Variants in IL1RAPL1 observed in about 807,000 individuals in gnomAD.
IL1RAPL1 encodes interleukin 1 receptor accessory protein like 1.
A neutral mutation model predicts 48.4 loss-of-function variants in IL1RAPL1; 3 were observed. The observed-to-expected ratio is 0.06, with a 90% CI of 0.03 to 0.16. The LOEUF is 0.16. Among genes scored for constraint, IL1RAPL1 ranks in the 10% least tolerant of loss-of-function variants. The pLI is 1.00. For synonymous variants in IL1RAPL1, 185 were observed against 187.7 expected (o/e 0.99, Z 0.12); for missense variants, 349 against 530.6 (o/e 0.66, Z 3.36).
At chrX:29,657,835 T>C (rs1487800540) in intron 5 of IL1RAPL1, among the ~76,000 whole-genome samples, 1 of 107,668 alleles carries the variant, frequency 9.3e-6, no homozygotes, top group African/African-American at 3.4e-5. Flanking sequence ...TTTTTTTTTT[T>C]TTTTTTTGGT....
chrX:29,234,631 A>G (rs775331773), intron 2 of IL1RAPL1, among the ~76,000 whole-genome samples: 31 of 112,074 alleles, frequency 2.8e-4, no homozygotes, highest in Admixed American at 1.1e-3. Flanking sequence ...CCTTGCCTAC[A>G]GAGACATCCT....
At chrX:28,633,889 A>T (rs1403261260) in intron 1 of IL1RAPL1, among the ~76,000 whole-genome samples, 1 of 111,770 alleles carries the variant, frequency 8.9e-6, no homozygotes, top group Non-Finnish European at 1.9e-5. Flanking sequence ...TATTTATGGG[A>T]TGCAATGTTA....
chrX:28,858,707 G>A (rs893731697), intron 2 of IL1RAPL1, among the ~76,000 whole-genome samples: 15 of 112,425 alleles, frequency 1.3e-4, no homozygotes, highest in Admixed American at 8.5e-4. Context: ...AAAAATTTGC[G>A]CAACTCGCGT....
chrX:28,872,805 A>C (rs1922239800), intron 2 of IL1RAPL1, among the ~76,000 whole-genome samples: 1 of 112,451 alleles, frequency 8.9e-6, no homozygotes, highest in Admixed American at 9.4e-5. Context: ...ATTTTGTAGT[A>C]GAGACTTTGG....
intron 2 of IL1RAPL1, among the ~76,000 whole-genome samples, chrX:29,006,780 G>A (rs1275849611): frequency 9.4e-6 from 1 of 106,463 alleles, no homozygotes; most frequent in Non-Finnish European, 1.9e-5. Context: ...CTTCTAACTG[G>A]CTTTGAAAAT....
At chrX:29,377,528 A>G (rs1933639369) in intron 3 of IL1RAPL1, among the ~76,000 whole-genome samples, 1 of 112,075 alleles carries the variant, frequency 8.9e-6, no homozygotes, top group African/African-American at 3.2e-5. Context: ...GCATTCCCTT[A>G]AGGACCTCTT....
chrX:29,788,758 C>A (rs1176859544), intron 6 of IL1RAPL1, among the ~76,000 whole-genome samples: 1 of 111,804 alleles, frequency 8.9e-6, no homozygotes, highest in Admixed American at 9.5e-5. Context: ...TACTATATAG[C>A]TATAAATTTG....
chrX:29,583,814 A>G (rs1405131798), intron 5 of IL1RAPL1, among the ~76,000 whole-genome samples: 1 of 110,978 alleles, frequency 9.0e-6, no homozygotes, highest in Non-Finnish European at 1.9e-5. Context: ...CCTGACTTCA[A>G]AGATAGCATC....
intron 1 of IL1RAPL1, among the ~76,000 whole-genome samples, chrX:28,614,563 C>G (rs1244391223): frequency 5.4e-5 from 6 of 111,095 alleles, no homozygotes; most frequent in Admixed American, 9.6e-5. Flanking sequence ...ATGTTCAGTG[C>G]AAGTGTGTTC....
chrX:29,693,468 A>T (rs1309523902), intron 6 of IL1RAPL1, among the ~76,000 whole-genome samples: 2 of 111,193 alleles, frequency 1.8e-5, no homozygotes, highest in Non-Finnish European at 3.8e-5. Context: ...AGGGAAAAAA[A>T]CTCTACTTCT....
At chrX:28,740,462 A>G (rs994429432) in intron 1 of IL1RAPL1, among the ~76,000 whole-genome samples, 3 of 111,115 alleles carry the variant, frequency 2.7e-5, no homozygotes, top group African/African-American at 9.8e-5. Context: ...CCTTGAAGCA[A>G]TTTTCTTTTT....
intron 2 of IL1RAPL1, among the ~76,000 whole-genome samples, chrX:28,974,164 C>G (rs1262560509): frequency 8.9e-6 from 1 of 111,766 alleles, no homozygotes; most frequent in African/African-American, 3.3e-5. Context: ...GATGTGACTC[C>G]TGGCTTCCCC....
At chrX:29,553,558 C>A (rs1469155750) in intron 5 of IL1RAPL1, among the ~76,000 whole-genome samples, 1 of 111,785 alleles carries the variant, frequency 8.9e-6, no homozygotes, top group Admixed American at 9.5e-5. Context: ...TAGCTTTTTG[C>A]TTCCCCTCTT....
intron 6 of IL1RAPL1, among the ~76,000 whole-genome samples, chrX:29,672,038 C>T (rs193071720): frequency 2.9e-3 from 329 of 111,755 alleles, no homozygotes; most frequent in Non-Finnish European, 3.6e-3. Context: ...ACATTATAAA[C>T]GCATTCTGCT....
At chrX:29,775,862 T>G (rs1400590709) in intron 6 of IL1RAPL1, among the ~76,000 whole-genome samples, 1 of 111,430 alleles carries the variant, frequency 9.0e-6, no homozygotes, top group Non-Finnish European at 1.9e-5. Flanking sequence ...CTTATTAGTG[T>G]GATAAAATCA....
intron 2 of IL1RAPL1, among the ~76,000 whole-genome samples, chrX:29,237,063 G>A (rs142440732): frequency 9.0e-6 from 1 of 110,916 alleles, no homozygotes; most frequent in East Asian, 2.8e-4. Flanking sequence ...ACAAATTCAT[G>A]CTCACAGCCC....
At chrX:29,932,955 T>G (rs1015065289) in intron 8 of IL1RAPL1, among the ~76,000 whole-genome samples, 2 of 111,792 alleles carry the variant, frequency 1.8e-5, no homozygotes, top group African/African-American at 3.2e-5. Context: ...GTAAGAAAAT[T>G]TGAATAGCAG....
chrX:29,517,596 A>G (rs1278540974), intron 5 of IL1RAPL1, among the ~76,000 whole-genome samples: 3 of 111,793 alleles, frequency 2.7e-5, no homozygotes, highest in Non-Finnish European at 5.6e-5. Flanking sequence ...TTAAGACATC[A>G]TCATATTCAT....
At chrX:29,306,549 A>C (rs1932624777) in intron 3 of IL1RAPL1, among the ~76,000 whole-genome samples, 3 of 101,198 alleles carry the variant, frequency 3.0e-5, no homozygotes, top group Non-Finnish European at 6.0e-5. Flanking sequence ...AAAAAAAAAA[A>C]AAAACGAAAA....
Sources: allele counts gnomAD v4.1 joint callset (sites outside exome capture counted in the v4.1 genomes callset), GRCh38; gene constraint gnomAD v4.1.1; transcripts MANE v1.5; gene names NCBI Gene and HGNC (gene_info 2026-07-23, HGNC 2026-07-21).